Variants in BRAF observed in about 807,000 individuals in gnomAD.
The protein encoded by BRAF is B-Raf proto-oncogene, serine/threonine kinase.
A neutral mutation model predicts 104.6 loss-of-function variants in BRAF; 16 were observed. The ratio of observed to expected loss-of-function variants is 0.15; its 90% CI spans 0.10 to 0.23. The LOEUF (loss-of-function observed/expected upper bound fraction) is 0.23, where lower values mean the gene tolerates loss of function less well. BRAF is among the 10% of genes least tolerant of loss of function. The pLI, the probability that BRAF is intolerant of heterozygous loss-of-function variation, is 1.00. For missense variants in BRAF, 541 were observed against 937.3 expected (o/e 0.58, Z 5.52); for synonymous variants, 310 against 341.6 (o/e 0.91, Z 1.02).
intron 2 of BRAF, among the ~76,000 whole-genome samples, chr7:140,847,667 T>C (rs1416380890): frequency 6.6e-6 from 1 of 152,200 alleles, no homozygotes; most frequent in Non-Finnish European, 1.5e-5. Flanking sequence ...GAATTCTTAA[T>C]ATTTGAATCA....
intron 1 of BRAF, among the ~76,000 whole-genome samples, chr7:140,883,403 T>C (rs541931396): frequency 1.3e-5 from 2 of 152,336 alleles, no homozygotes; most frequent in South Asian, 4.1e-4. Context: ...ATCTGTCGTA[T>C]ATAACTTTTT....
intron 2 of BRAF, among the ~76,000 whole-genome samples, chr7:140,847,666 A>C (rs1474034080): frequency 6.6e-6 from 1 of 152,210 alleles, no homozygotes; most frequent in Non-Finnish European, 1.5e-5. Context: ...AGAATTCTTA[A>C]TATTTGAATC....
chr7:140,866,521 T>C (rs775472410), intron 1 of BRAF, among the ~76,000 whole-genome samples: 1 of 152,212 alleles, frequency 6.6e-6, no homozygotes, highest in Non-Finnish European at 1.5e-5. Flanking sequence ...ATGAAGCAGG[T>C]AGTTTATAAG....
At chr7:140,845,069 A>G (rs982816425) in intron 2 of BRAF, among the ~76,000 whole-genome samples, 3 of 133,780 alleles carry the variant, frequency 2.2e-5, no homozygotes, top group African/African-American at 7.6e-5. Flanking sequence ...AAAGACAGAC[A>G]TATAGACCAA....
chr7:140,800,569 T>A, intron 6 of BRAF, 88 bp from the exon 7 acceptor site: 25 of 1,545,510 alleles, frequency 1.6e-5, no homozygotes, highest in Non-Finnish European at 2.1e-5. Context: ...AAAACTGAGA[T>A]CAAATTCCAT....
At chr7:140,847,262 C>T (rs576224461) in intron 2 of BRAF, among the ~76,000 whole-genome samples, 15 of 151,338 alleles carry the variant, frequency 9.9e-5, no homozygotes, top group East Asian at 7.9e-4. Context: ...CTTAAAAAGG[C>T]GGAGATTGTT....
chr7:140,886,503 T>C (rs1462692211), intron 1 of BRAF, among the ~76,000 whole-genome samples: 5 of 152,218 alleles, frequency 3.3e-5, no homozygotes, highest in African/African-American at 9.6e-5. Context: ...GCACTATTCA[T>C]TCTATGCCAT....
intron 3 of BRAF, among the ~76,000 whole-genome samples, chr7:140,822,865 C>T (rs1190576842): frequency 1.3e-5 from 2 of 152,196 alleles, no homozygotes; most frequent in Non-Finnish European, 2.9e-5. Context: ...TGCTCTTTCA[C>T]CCAGGCTGGA....
At chr7:140,790,998 G>A (rs1801896846) in intron 8 of BRAF, among the ~76,000 whole-genome samples, 1 of 152,180 alleles carries the variant, frequency 6.6e-6, no homozygotes, top group Non-Finnish European at 1.5e-5. Flanking sequence ...CTACTCGAGA[G>A]GCTGAGGCAG....
At chr7:140,783,410 G>A in intron 10 of BRAF, 1 of 358,344 alleles carries the variant, frequency 2.8e-6, no homozygotes. Flanking sequence ...TTTATTTACT[G>A]GTGCAAAATC....
At position 140,721,624 on chromosome 7, in the gene BRAF, G is replaced by A; in HGVS notation, c.*4870C>T. 6.5e-7 allele frequency: 1 copy of A among 1,535,670 alleles called. No individual in the cohort carries two copies. The highest frequency in any genetic ancestry group is 8.7e-7 in the Non-Finnish European group (1 of 1,146,632). ...GGCCAAGCTACAAATCATCACCTGA[G>A]GCAGAGATGCTACTACCCTCTTCTG... On this transcript the variant is annotated 3_prime_UTR_variant, in exon 20 of 20. Coordinates refer to ENST00000644969, the MANE Select transcript of BRAF (RefSeq NM_001374258.1).
chr7:140,791,025 C>T lies in BRAF; in HGVS notation c.1140+3283G>A, dbSNP rs570901372. 6.1e-4 allele frequency among the ~76,000 whole-genome samples: 93 copies of T among 152,210 alleles called. No individual in the cohort carries two copies. The Middle Eastern group carries it at 0.01, about 17-fold the overall frequency. ...CTGAGGCAGGAGAATTGCTTGAACCCGGGAGGTGGAGGCTGCAGTGAGCAG... is the reference window on the plus strand; with the variant it reads ...CTGAGGCAGGAGAATTGCTTGAACCTGGGAGGTGGAGGCTGCAGTGAGCAG... On this transcript the variant is annotated intron_variant, in intron 8 of 19. Transcript: ENST00000644969.
At chr7:140,899,546 T>C (rs1039635106) in intron 1 of BRAF, among the ~76,000 whole-genome samples, 1 of 152,262 alleles carries the variant, frequency 6.6e-6, no homozygotes, top group Non-Finnish European at 1.5e-5. Context: ...CCAATCTATA[T>C]GAAATGGTCT....
At chr7:140,770,546 A>AG (rs1799738930) in intron 14 of BRAF, among the ~76,000 whole-genome samples, 1 of 150,972 alleles carries the variant, frequency 6.6e-6, no homozygotes, top group South Asian at 2.1e-4. Context: ...AAAAAAAAAA[A>AG]GGCACAATGT....
intron 7 of BRAF, among the ~76,000 whole-genome samples, chr7:140,797,378 T>A (rs186070564): frequency 7.9e-5 from 12 of 152,346 alleles, no homozygotes; most frequent in African/African-American, 2.9e-4. Flanking sequence ...AATGTATTGC[T>A]TCTCCAATAT....
intron 15 of BRAF, chr7:140,753,738 C>T: frequency 6.6e-6 from 2 of 303,342 alleles, no homozygotes; most frequent in South Asian, 7.0e-5. Flanking sequence ...AGTAAAGGCT[C>T]TTCATTGGAA....
chr7:140,882,083 T>C (rs929195792), intron 1 of BRAF, among the ~76,000 whole-genome samples: 6 of 151,832 alleles, frequency 4.0e-5, no homozygotes, highest in Admixed American at 3.3e-4. Flanking sequence ...CTTCAATTTG[T>C]AAAAAAAACC....
intron 18 of BRAF, among the ~76,000 whole-genome samples, chr7:140,738,323 T>G (rs957088801): frequency 2.0e-5 from 3 of 152,200 alleles, no homozygotes; most frequent in Non-Finnish European, 2.9e-5. Flanking sequence ...TAACATTTTT[T>G]AGATTTAAAA....
At chr7:140,880,447 CT>C (rs1812772089) in intron 1 of BRAF, among the ~76,000 whole-genome samples, 1 of 152,150 alleles carries the variant, frequency 6.6e-6, no homozygotes, top group African/African-American at 2.4e-5. Flanking sequence ...GTTTTGACCC[CT>C]CAAAGTCATC....
Sources: gnomAD v4.1 joint callset for allele counts (sites outside exome capture counted in the v4.1 genomes callset) on GRCh38, gnomAD v4.1.1 for gene constraint, MANE v1.5 for transcripts, NCBI Gene and HGNC (gene_info 2026-07-23, HGNC 2026-07-21) for gene names.